The following CELSR2 variants were observed in gnomAD, a reference collection of about 807,000 sequenced individuals.
CELSR2 encodes the protein EGF-like protein 2.
A neutral mutation model predicts 251.6 loss-of-function variants in CELSR2; 81 were observed. That is an observed-to-expected ratio of 0.32 (90% CI 0.27 to 0.39). CELSR2 has a LOEUF of 0.39. Ranked by LOEUF, CELSR2 falls within the 10% of genes least tolerant of loss-of-function variation. The pLI is 1.00. For missense variants in CELSR2, 3,365 were observed against 3,947.7 expected (o/e 0.85, Z 3.96); for synonymous variants, 1,721 against 1,670.5 (o/e 1.03, Z -0.74).
In CELSR2 at chr1:109,250,959, T is replaced by C; in HGVS notation, c.880T>C (p.Tyr294His). ...TGACCCTGTGTTCGAGCAGCAGGAGTACAAGGAGAGCCTCAGGGAGAACCT... is the reference window on the plus strand; with the variant it reads ...TGACCCTGTGTTCGAGCAGCAGGAGCACAAGGAGAGCCTCAGGGAGAACCT... ...DHDPVFEQQE[Y>H]KESLRENLEV... The change falls in exon 1 of 34, where the codon TAC (tyrosine) becomes CAC (histidine). Residue 294 changes from tyrosine (Y) to histidine (H), a missense_variant. Transcript: ENST00000271332. The surrounding 1 kb of genome is among the most constrained non-coding windows in gnomAD (Gnocchi z 4.4). 1.9e-6 allele frequency: 3 copies of C among 1,613,506 alleles called. No individual in the cohort carries two copies. Among genetic ancestry groups the C allele is most frequent in the Non-Finnish European group, 2.5e-6 (3 of 1,179,978 alleles).
chr1:109,262,041 C>A, intron 5 of CELSR2, 145 bp downstream of exon 5: 1 of 1,057,778 alleles, frequency 9.5e-7, no homozygotes. Flanking sequence ...AAGGTGCCAC[C>A]TTGCTGGGCA....
At chr1:109,258,371 C>A in intron 1 of CELSR2, 61 bp from the exon 2 acceptor site, 1 of 1,226,596 alleles carries the variant, frequency 8.2e-7, no homozygotes, top group Non-Finnish European at 1.1e-6. Context: ...GTGGGTGGTG[C>A]AGGAATATGC....
In CELSR2 at chr1:109,274,448, C is replaced by T. The variant is rs1570797738; in HGVS notation, c.*399C>T. 4 of 238,944 alleles carry T rather than the reference C, an allele frequency of 1.7e-5. No individual in the cohort carries two copies. In the East Asian group the frequency reaches 2.8e-4, roughly 17 times the overall value. The allele number at this position is 238,944 out of a possible 1,614,324, so 14.8% of individuals were successfully genotyped here. On this transcript the variant is annotated 3_prime_UTR_variant, in exon 34 of 34. Transcript: ENST00000271332. The stretch of plus-strand genomic sequence containing the variant: ...GACCTCCCAGGATGCTTCCCAGCCT[C>T]TCCTCAGTTTCCCATCTGCTGTGCC...
chr1:109,270,799 A>G, intron 24 of CELSR2, 128 bp from the exon 25 acceptor site: 2 of 983,168 alleles, frequency 2.0e-6, no homozygotes, highest in South Asian at 3.0e-5. Context: ...GGAGATCGGT[A>G]GGGGCCGATG....
chr1:109,258,140 G>C (rs1275953921), intron 1 of CELSR2, among the ~76,000 whole-genome samples: 3 of 152,170 alleles, frequency 2.0e-5, no homozygotes, highest in African/African-American at 7.2e-5. Flanking sequence ...TCCCGCGCAG[G>C]CAGCACAGAC....
chr1:109,267,291 G>GTCATCC (rs984615202), intron 15 of CELSR2, among the ~76,000 whole-genome samples: 8 of 152,188 alleles, frequency 5.3e-5, no homozygotes, highest in Non-Finnish European at 1.5e-5. Context: ...GCACAAAGTG[G>GTCATCC]TGGCTGGAGA....
chr1:109,252,441 C>T lies in CELSR2; in HGVS notation c.2362C>T (p.Arg788Trp), dbSNP rs775809950. The T allele has an allele frequency of 5.6e-6, 9 of 1,613,464 alleles. No individual in the cohort carries two copies. Among genetic ancestry groups the T allele is most frequent in the African/African-American group, 1.3e-5 (1 of 74,926 alleles). The change falls in exon 1 of 34, where the codon CGG becomes TGG. Residue 788 changes from arginine to tryptophan, a missense_variant. Coordinates refer to ENST00000271332, the MANE Select transcript of CELSR2 (RefSeq NM_001408.3). This position sits in a 1 kb window ranked among gnomAD's most constrained non-coding sequence, Gnocchi z 4.8. Reference protein sequence around the residue: ...QVSYTLAITARDNGIPQKSDT... With the variant: ...QVSYTLAITAWDNGIPQKSDT... Reference sequence around the variant, plus strand: ...GTCTTACACCCTGGCCATTACTGCTCGGGACAATGGCATTCCCCAGAAGTC... The same window carrying T: ...GTCTTACACCCTGGCCATTACTGCTTGGGACAATGGCATTCCCCAGAAGTC...
rs760315618 is a variant in CELSR2 at position 109,271,670 on chromosome 1, G to A, written c.7874G>A (p.Ser2625Asn). 7.4e-6 allele frequency: 12 copies of A among 1,614,024 alleles called. No individual in the cohort carries two copies. The highest frequency in any genetic ancestry group is 2.2e-5 in the East Asian group (1 of 44,870). Residue 2625 changes from serine (S) to asparagine (N), a missense_variant, in exon 28 of 34, where the codon AGC (serine) becomes AAC (asparagine). Physicochemically the swap from Ser to Asn is conservative, Grantham distance 46 (BLOSUM62 1). Transcript: ENST00000271332. Reference protein sequence around the residue: ...EVRKALKLACSRKPSPDPALT... With the variant: ...EVRKALKLACNRKPSPDPALT... ...CGGAAAGCACTCAAGCTTGCCTGCA[G>A]CCGCAAGCCCAGCCCTGACCCTGCT... is the stretch of plus-strand genomic sequence containing the variant.
intron 24 of CELSR2, 146 bp downstream of exon 24, chr1:109,270,746 C>G: frequency 8.8e-7 from 1 of 1,141,696 alleles, no homozygotes; most frequent in Non-Finnish European, 1.2e-6. Context: ...TGGTTTAACC[C>G]AGACTCTGCA....
In CELSR2 at chr1:109,268,895, G is replaced by A. The variant is rs367656642; in HGVS notation, c.6518G>A (p.Arg2173His). Residue 2173 changes from arginine to histidine, a missense_variant, in exon 19 of 34, where the codon CGC becomes CAC. This residue lies in a region of CELSR2 where 2,093 missense variants were observed against 2,382.8 expected (regional missense o/e 0.88). Transcript: ENST00000271332. ...VTPNIVISVVRLDKGNFAGAK... is the reference protein window; with the variant it reads ...VTPNIVISVVHLDKGNFAGAK... Reference sequence around the variant, plus strand: ...CCTTCCTTAGTCATCTCCGTAGTGCGCTTGGACAAAGGGAACTTTGCTGGG... The same window carrying A: ...CCTTCCTTAGTCATCTCCGTAGTGCACTTGGACAAAGGGAACTTTGCTGGG... 2.2e-5 allele frequency: 36 copies of A among 1,611,196 alleles called. No individual in the cohort carries two copies. The highest frequency in any genetic ancestry group is 6.7e-5 in the Admixed American group (4 of 59,894).
At position 109,262,291 on chromosome 1, in the gene CELSR2, T is replaced by C. The variant is rs1407759715; in HGVS notation, c.4391T>C (p.Leu1464Pro). ...TCTGCTCTTTCCTGTCCACAGCCAC[T>C]GTTGGGTCAGACAGGGCTCCCACAG... is the stretch of plus-strand genomic sequence containing the variant. ...TVQLKYYNKP[L>P]LGQTGLPQGP... The change falls in exon 6 of 34, where the codon CTG becomes CCG. Residue 1464 changes from leucine (L) to proline (P), a missense_variant. By Grantham distance (98) the Leu-to-Pro change is moderately conservative. This residue lies in a region of CELSR2 where 2,093 missense variants were observed against 2,382.8 expected (regional missense o/e 0.88). Transcript: ENST00000271332. The C allele has an allele frequency of 6.2e-7, 1 of 1,613,772 alleles. No homozygotes were observed. The highest frequency in any genetic ancestry group is 1.3e-5 in the African/African-American group (1 of 74,928).
At position 109,267,564 on chromosome 1, in the gene CELSR2, C is replaced by G; in HGVS notation, c.6030C>G (p.His2010Gln). The G allele has an allele frequency of 6.2e-7, 1 of 1,614,162 alleles. No individual in the cohort carries two copies. Among genetic ancestry groups the G allele is most frequent in the Non-Finnish European group, 8.5e-7 (1 of 1,179,998 alleles). Residue 2010 changes from histidine (H) to glutamine (Q), a missense_variant, in exon 16 of 34, where the codon CAC (histidine) becomes CAG (glutamine). Coordinates refer to ENST00000271332, the MANE Select transcript of CELSR2 (RefSeq NM_001408.3). The part of the protein sequence containing the change: ...PKGSFGTAVR[H>Q]CDEHRGWLPP... ...TTCCCCCAGGGACTGCTGTGCGCCA[C>G]TGTGATGAGCACAGGGGGTGGCTCC...
At chr1:109,253,647 TG>T (rs1424747465) in intron 1 of CELSR2, among the ~76,000 whole-genome samples, 1 of 152,026 alleles carries the variant, frequency 6.6e-6, no homozygotes, top group Non-Finnish European at 1.5e-5. Flanking sequence ...GCCTGTGACG[TG>T]GTCGGGGAAG....
At position 109,259,003 on chromosome 1, in the gene CELSR2, G is replaced by A. The variant is rs530149398; in HGVS notation, c.3882G>A (p.Ser1294=). Residue 1294 remains serine, a synonymous_variant, in exon 2 of 34, where the codon TCG becomes TCA. Coordinates refer to ENST00000271332, the MANE Select transcript of CELSR2 (RefSeq NM_001408.3). ...YCETEVDLCY[S]RPCGPHGRCR... ...AGACCGAGGTGGACCTCTGCTACTC[G>A]CGGCCCTGTGGCCCCCACGGGCGCT... 2.5e-6 allele frequency: 4 copies of A among 1,605,598 alleles called. No homozygotes were observed. Among genetic ancestry groups the A allele is most frequent in the East Asian group, 2.2e-5 (1 of 44,820 alleles).
chr1:109,250,942 T>C lies in CELSR2; in HGVS notation c.863T>C (p.Val288Ala), dbSNP rs142745606. The C allele has an allele frequency of 2.5e-5, 40 of 1,613,662 alleles. No individual in the cohort carries two copies. Among genetic ancestry groups the C allele is most frequent in the Non-Finnish European group, 3.1e-5 (36 of 1,180,028 alleles). Residue 288 changes from valine (V) to alanine (A), a missense_variant, in exon 1 of 34, where the codon GTG (valine) becomes GCG (alanine). Physicochemically the swap from Val to Ala is moderately conservative, Grantham distance 64. Transcript: ENST00000271332. This position sits in a 1 kb window ranked among gnomAD's most constrained non-coding sequence, Gnocchi z 4.4. ...ACTGACACCAATGACCATGACCCTG[T>C]GTTCGAGCAGCAGGAGTACAAGGAG... ...LVTDTNDHDPVFEQQEYKESL... is the reference protein window; with the variant it reads ...LVTDTNDHDPAFEQQEYKESL...
At chr1:109,254,979 C>T (rs1000058721) in intron 1 of CELSR2, among the ~76,000 whole-genome samples, 3 of 152,194 alleles carry the variant, frequency 2.0e-5, no homozygotes, top group African/African-American at 4.8e-5. Flanking sequence ...CTTTGGTGAG[C>T]GTGGCCAGGC....
At position 109,251,530 on chromosome 1, in the gene CELSR2, T is replaced by A; in HGVS notation, c.1451T>A (p.Leu484His). 15 of 1,613,524 alleles carry A rather than the reference T, an allele frequency of 9.3e-6. No individual in the cohort carries two copies. Among genetic ancestry groups the A allele is most frequent in the Non-Finnish European group, 1.3e-5 (15 of 1,179,976 alleles). The stretch of plus-strand genomic sequence containing the variant: ...GCACAGGATGGTGGCCGTCCCCCAC[T>A]CTCTAATGTCTCTGGCTTGGTGACA... Reference protein sequence around the residue: ...VRAQDGGRPPLSNVSGLVTVQ... With the variant: ...VRAQDGGRPPHSNVSGLVTVQ... Residue 484 changes from leucine to histidine, a missense_variant, in exon 1 of 34, where the codon CTC becomes CAC. Around this residue, in one of 5 missense-constraint regions of CELSR2, gnomAD observed 704 missense variants for 784.1 expected, o/e 0.90. Coordinates refer to ENST00000271332, the MANE Select transcript of CELSR2 (RefSeq NM_001408.3). This position sits in a 1 kb window ranked among gnomAD's most constrained non-coding sequence, Gnocchi z 4.9.
Position 109,250,660 on chromosome 1 carries a change from A to T in CELSR2, c.581A>T (p.Gln194Leu). 6.2e-7 allele frequency: 1 copy of T among 1,614,046 alleles called. No homozygotes were observed. Among genetic ancestry groups the T allele is most frequent in the South Asian group, 1.1e-5 (1 of 91,082 alleles). The part of the protein sequence containing the change: ...PSYQATVPEN[Q>L]PAGTPVASLR... Reference sequence around the variant, plus strand: ...TACCAGGCCACAGTGCCGGAGAACCAGCCAGCAGGCACCCCTGTTGCATCC... The same window carrying T: ...TACCAGGCCACAGTGCCGGAGAACCTGCCAGCAGGCACCCCTGTTGCATCC... Residue 194 changes from glutamine (Q) to leucine (L), a missense_variant, in exon 1 of 34, where the codon CAG (glutamine) becomes CTG (leucine). By Grantham distance (113) the Gln-to-Leu change is moderately radical. Around this residue, in one of 5 missense-constraint regions of CELSR2, gnomAD observed 704 missense variants for 784.1 expected, o/e 0.90. Transcript: ENST00000271332. This position sits in a 1 kb window ranked among gnomAD's most constrained non-coding sequence, Gnocchi z 4.4.
At position 109,252,559 on chromosome 1, in the gene CELSR2, A is replaced by T; in HGVS notation, c.2480A>T (p.Asp827Val). 6.2e-7 allele frequency: 1 copy of T among 1,613,886 alleles called. No homozygotes were observed. Among genetic ancestry groups the T allele is most frequent in the Non-Finnish European group, 8.5e-7 (1 of 1,180,030 alleles). Residue 827 changes from aspartate (D) to valine (V), a missense_variant, in exon 1 of 34, where the codon GAT becomes GTT. Transcript: ENST00000271332. This position sits in a 1 kb window ranked among gnomAD's most constrained non-coding sequence, Gnocchi z 4.8. The stretch of plus-strand genomic sequence containing the variant: ...TCCTACCAGGGCAGTGTCTATGAGG[A>T]TGTGCCACCCTTCACTAGCGTCCTG... ...RDSYQGSVYE[D>V]VPPFTSVLQI...
Sources: gnomAD v4.1 joint callset for allele counts (sites outside exome capture counted in the v4.1 genomes callset) on GRCh38, gnomAD v4.1.1 for gene constraint, gnomAD v4.1.1 regional missense constraint, Gnocchi (gnomAD v3.1) non-coding constraint, MANE v1.5 for transcripts, NCBI Gene and HGNC (gene_info 2026-07-23, HGNC 2026-07-21) for gene names.